PODXL: variants seen among roughly 807,000 people sequenced by gnomAD.
PODXL encodes the protein podocalyxin like.
A neutral mutation model predicts 48.9 loss-of-function variants in PODXL; 20 were observed. The observed-to-expected ratio is 0.41, with a 90% CI of 0.29 to 0.59. The LOEUF (loss-of-function observed/expected upper bound fraction) is 0.59, where lower values mean the gene tolerates loss of function less well. Among genes scored for constraint, PODXL ranks in the 20% least tolerant of loss-of-function variants. The probability of loss-of-function intolerance (pLI) is 0.31; values close to 1 mark genes in which losing one functional copy is unlikely to be tolerated. For synonymous variants in PODXL, 295 were observed against 287.4 expected, an observed-to-expected ratio of 1.03 and a Z score of -0.27; for missense variants, 606 against 675.1, an observed-to-expected ratio of 0.90 and a Z score of 1.13.
rs371760384 is a variant in PODXL, at chr7:131,509,485, C to G, written c.903G>C (p.Pro301=). ...GGGTAGGTGTTCTCAATGCCGTTGC[C>G]GGGCTCGTGGGCTGCACTGTCTCCT... ...SSQETVQPTS[P]ATALRTPTLP... is the part of the protein sequence containing the mutation. The change falls in exon 4 of 9, where the codon CCG becomes CCC. Residue 301 remains proline (P), a synonymous_variant. Transcript: ENST00000378555. 1 of 1,613,736 alleles carries G rather than the reference C, an allele frequency of 6.2e-7. No individual in the cohort carries two copies. Among genetic ancestry groups the G allele is most frequent in the Non-Finnish European group, 8.5e-7 (1 of 1,179,826 alleles).
intron 1 of PODXL, among the ~76,000 whole-genome samples, chr7:131,550,368 G>C (rs1190420388): frequency 1.3e-5 from 2 of 152,208 alleles, no homozygotes; most frequent in African/African-American, 2.4e-5. Context: ...TTTTTAAAGA[G>C]GTTTTTCGCC....
At chr7:131,516,804 A>C (rs1405145347) in intron 1 of PODXL, among the ~76,000 whole-genome samples, 1 of 142,190 alleles carries the variant, frequency 7.0e-6, no homozygotes, top group Non-Finnish European at 1.5e-5. Flanking sequence ...GGCATGATAC[A>C]CTGCAGCATC....
chr7:131,532,788 T>G (rs963307181), intron 1 of PODXL, among the ~76,000 whole-genome samples: 4 of 152,128 alleles, frequency 2.6e-5, no homozygotes, highest in Non-Finnish European at 5.9e-5. Context: ...GATGAGGTCC[T>G]GAGGATGGAG....
rs766689682 is a variant in PODXL, at chr7:131,504,319, G to A, written c.1669C>T (p.His557Tyr). Residue 557 changes from histidine (H) to tyrosine (Y), a missense_variant, in exon 9 of 9, where the codon CAC (histidine) becomes TAC (tyrosine). By Grantham distance (83) the His-to-Tyr change is moderately conservative. Transcript: ENST00000378555. ...KDDLDEEEDT[H>Y]L ...GCCACCGGCAGACCGGACTAGAGGT[G>A]TGTGTCTTCCTCCTCATCCAGGTCG... 6.2e-7 allele frequency: 1 copy of A among 1,613,998 alleles called. No homozygotes were observed. The highest frequency in any genetic ancestry group is 8.5e-7 in the Non-Finnish European group (1 of 1,179,886).
intron 1 of PODXL, among the ~76,000 whole-genome samples, chr7:131,525,886 G>T (rs867391175): frequency 1.3e-5 from 2 of 152,192 alleles, no homozygotes; most frequent in Non-Finnish European, 2.9e-5. Flanking sequence ...TGGGGAGGAG[G>T]CTAGCCCTGT....
intron 1 of PODXL, among the ~76,000 whole-genome samples, chr7:131,522,138 G>C (rs985220065): frequency 6.6e-6 from 1 of 152,200 alleles, no homozygotes; most frequent in African/African-American, 2.4e-5. Context: ...CACAAGGCCA[G>C]CAAGTGTGAA....
intron 1 of PODXL, among the ~76,000 whole-genome samples, chr7:131,524,118 T>C (rs562051068): frequency 1.1e-4 from 17 of 151,914 alleles, no homozygotes; most frequent in Admixed American, 5.2e-4. Flanking sequence ...AAATTTAATA[T>C]CCATTCATGA....
chr7:131,556,301 A>G lies in PODXL; in HGVS notation c.59T>C (p.Leu20Pro), dbSNP rs2116881093. The G allele has an allele frequency of 7.4e-7, 1 of 1,357,310 alleles. No individual in the cohort carries two copies. Among genetic ancestry groups the G allele is most frequent in the Non-Finnish European group, 9.9e-7 (1 of 1,005,794 alleles). 84.1% of individuals were successfully genotyped at this position (1,357,310 alleles called of 1,614,324 possible). A position where few individuals can be genotyped will look rare whatever the true frequency, so the allele number is the denominator to read the frequency against. The stretch of plus-strand genomic sequence containing the variant: ...CGGCGACGGCGACGGCGACGACGGC[A>G]GCAGCGGCGGCGTTGACAACAGTAG... ...LLLLLSTPPL[L>P]PSSPSPSPSP... Residue 20 changes from leucine (L) to proline (P), a missense_variant, in exon 1 of 9, where the codon CTG becomes CCG. Physicochemically the swap from Leu to Pro is moderately conservative, Grantham distance 98. Transcript: ENST00000378555.
intron 1 of PODXL, among the ~76,000 whole-genome samples, chr7:131,548,047 C>G (rs1456754823): frequency 6.6e-6 from 1 of 152,224 alleles, no homozygotes; most frequent in Non-Finnish European, 1.5e-5. Flanking sequence ...ACCTCGGATC[C>G]CTGTTGCAGC....
intron 1 of PODXL, among the ~76,000 whole-genome samples, chr7:131,553,156 C>G (rs1798693253): frequency 6.6e-6 from 1 of 152,110 alleles, no homozygotes; most frequent in Admixed American, 6.5e-5. Context: ...TCTCAAGAAC[C>G]ACCATCACAG....
intron 1 of PODXL, chr7:131,520,330 CA>C: frequency 1.9e-6 from 1 of 527,540 alleles, no homozygotes; most frequent in South Asian, 1.5e-5. Flanking sequence ...GCATTGATAC[CA>C]GGCTCATCAA....
At chr7:131,509,129 C>T in intron 4 of PODXL, 101 bp from the exon 5 acceptor site, 1 of 1,091,806 alleles carries the variant, frequency 9.2e-7, no homozygotes, top group Non-Finnish European at 1.4e-6. Flanking sequence ...GAGTTCACGG[C>T]AAGCTGGAGG....
At chr7:131,538,766 G>A (rs1194393102) in intron 1 of PODXL, among the ~76,000 whole-genome samples, 1 of 152,110 alleles carries the variant, frequency 6.6e-6, no homozygotes, top group Non-Finnish European at 1.5e-5. Context: ...TGTTGTTGCT[G>A]TTGCTAACAA....
chr7:131,517,329 T>A (rs1177209765), intron 1 of PODXL, among the ~76,000 whole-genome samples: 1 of 152,176 alleles, frequency 6.6e-6, no homozygotes, highest in African/African-American at 2.4e-5. Flanking sequence ...GAGCAGCAGC[T>A]AACAGCTTGT....
intron 1 of PODXL, among the ~76,000 whole-genome samples, chr7:131,524,362 G>GCA (rs1416965067): frequency 2.8e-4 from 36 of 126,434 alleles, no homozygotes; most frequent in African/African-American, 9.8e-4. Context: ...ACACACACAC[G>GCA]CACACACACA....
intron 1 of PODXL, among the ~76,000 whole-genome samples, chr7:131,551,140 T>C (rs2116871961): frequency 6.6e-6 from 1 of 152,272 alleles, no homozygotes; most frequent in East Asian, 1.9e-4. Context: ...AGGCTTTTCT[T>C]ATAGAGAATG....
At chr7:131,525,823 C>G (rs1798176475) in intron 1 of PODXL, among the ~76,000 whole-genome samples, 1 of 152,070 alleles carries the variant, frequency 6.6e-6, no homozygotes, top group Admixed American at 6.6e-5. Flanking sequence ...CTATAGATAA[C>G]ATAAGCCAGG....
At chr7:131,509,624 T>C (rs529300929) in intron 3 of PODXL, 39 bp from the exon 4 acceptor site, 8 of 1,355,648 alleles carry the variant, frequency 5.9e-6, no homozygotes, top group Admixed American at 2.3e-5. Flanking sequence ...AAAAGATGAG[T>C]GCACCCTTGC....
At position 131,509,438 on chromosome 7, in the gene PODXL, C is replaced by T; in HGVS notation, c.950G>A (p.Ser317Asn). 6.2e-7 allele frequency: 1 copy of T among 1,614,054 alleles called. No individual in the cohort carries two copies. The highest frequency in any genetic ancestry group is 8.5e-7 in the Non-Finnish European group (1 of 1,179,998). Residue 317 changes from serine (S) to asparagine (N), a missense_variant, in exon 4 of 9, where the codon AGC (serine) becomes AAC (asparagine). Physicochemically the swap from Ser to Asn is conservative, Grantham distance 46. Coordinates refer to ENST00000378555, the MANE Select transcript of PODXL (RefSeq NM_001018111.3). ...TPTLPETMSS[S>N]PTAASTTHRY... Reference sequence around the variant, plus strand: ...GTGGGTAGTTGATGCTGCTGTGGGGCTGGAGCTCATGGTCTCTGGCAGGGT... The same window carrying T: ...GTGGGTAGTTGATGCTGCTGTGGGGTTGGAGCTCATGGTCTCTGGCAGGGT...
Sources: allele counts gnomAD v4.1 joint callset (sites outside exome capture counted in the v4.1 genomes callset), GRCh38; gene constraint gnomAD v4.1.1; transcripts MANE v1.5; gene names NCBI Gene and HGNC (gene_info 2026-07-23, HGNC 2026-07-21).